The following TASOR2 variants were observed in gnomAD, a reference collection of about 807,000 sequenced individuals.
TASOR2 encodes transcription activation suppressor family member 2.
Under a neutral mutation model 199.5 loss-of-function variants are expected in TASOR2, and 84 were observed. The ratio of observed to expected loss-of-function variants is 0.42; its 90% confidence interval spans 0.35 to 0.50. The LOEUF is 0.50. Among genes scored for constraint, TASOR2 ranks in the 20% least tolerant of loss-of-function variants. TASOR2 has a pLI of 0.02. For missense variants in TASOR2, 2,796 were observed against 2,835.9 expected (o/e 0.99, Z 0.32); for synonymous variants, 1,103 against 1,046.6 (o/e 1.05, Z -1.04).
At chr10:5,753,827 A>T (rs1838442728) in intron 15 of TASOR2, among the ~76,000 whole-genome samples, 1 of 152,214 alleles carries the variant, frequency 6.6e-6, no homozygotes, top group African/African-American at 2.4e-5. Context: ...CTCCAAAAGC[A>T]ATCTGGAAAT....
At chr10:5,736,133 G>C (rs1341679416) in intron 12 of TASOR2, among the ~76,000 whole-genome samples, 1 of 152,044 alleles carries the variant, frequency 6.6e-6, no homozygotes, top group Non-Finnish European at 1.5e-5. Context: ...ACAGAGACCA[G>C]GTTTTGGCCA....
exon 15 of TASOR2, chr10:5,747,952 G>A (rs1269865612): frequency 1.2e-6 from 2 of 1,613,666 alleles, no homozygotes; most frequent in East Asian, 2.2e-5. Context: ...GCATGATGAG[G>A]GTTTATCTTT....
intron 18 of TASOR2, 55 bp downstream of exon 19, chr10:5,759,047 C>T (rs1208820306): frequency 1.6e-5 from 20 of 1,278,232 alleles, no homozygotes; most frequent in Admixed American, 9.0e-5. Flanking sequence ...AGCAGAGAAA[C>T]GCCTCATGTT....
exon 15 of TASOR2, chr10:5,747,767 C>G (rs761559109): frequency 3.1e-6 from 5 of 1,614,086 alleles, no homozygotes; most frequent in South Asian, 2.2e-5. Context: ...TTAGGCATAA[C>G]AGAAAAAGAA....
chr10:5,747,667 C>G (rs1837405772), exon 15 of TASOR2: 1 of 1,614,064 alleles, frequency 6.2e-7, no homozygotes, highest in Non-Finnish European at 8.5e-7. Context: ...AGAGACACGA[C>G]CATATCAGGC....
Position 5,717,643 on chromosome 10 carries a change from T to G in TASOR2, c.-191-16T>G. On this transcript the variant is annotated splice_polypyrimidine_tract_variant and intron_variant, in intron 2 of 20. Transcript: ENST00000328090. The stretch of plus-strand genomic sequence containing the variant: ...TGGGCAATCTGCTGCTTAATCTATA[T>G]TTTATACTTTTACAGGTGTATACAT... 1 of 1,121,344 alleles carries G rather than the reference T, an allele frequency of 8.9e-7. No individual in the cohort carries two copies. Among genetic ancestry groups the G allele is most frequent in the Non-Finnish European group, 1.1e-6 (1 of 886,958 alleles). The allele number at this position is 1,121,344 out of a possible 1,614,324, so 69.5% of individuals were successfully genotyped here.
rs188176472 is a variant in TASOR2 at position 5,688,201 on chromosome 10, A to G, written c.-288+3026A>G. ...ATTATGTTCTTTTTTGATACTCATC[A>G]AAACCTAACAGTTTTGTGTTTTTGT... On this transcript the variant is annotated intron_variant, in intron 1 of 20. Transcript: ENST00000328090. Among the ~76,000 whole-genome samples, 40 of 152,220 alleles carry G rather than the reference A, an allele frequency of 2.6e-4. No homozygotes were observed. The East Asian group carries it at 7.7e-3, about 29-fold the overall frequency.
chr10:5,702,350 T>C (rs1414250333), intron 1 of TASOR2, among the ~76,000 whole-genome samples: 1 of 152,176 alleles, frequency 6.6e-6, no homozygotes, highest in African/African-American at 2.4e-5. Context: ...TTAAATTTGA[T>C]TTACTAGTAT....
At chr10:5,758,951 G>A in exon 18 of TASOR2, 1 of 1,614,172 alleles carries the variant, frequency 6.2e-7, no homozygotes, top group Non-Finnish European at 8.5e-7. Context: ...GGAAGTGGTT[G>A]CTTCACTACA....
At chr10:5,759,695 G>A (rs1054579999) in intron 18 of TASOR2, among the ~76,000 whole-genome samples, 1 of 152,242 alleles carries the variant, frequency 6.6e-6, no homozygotes, top group African/African-American at 2.4e-5. Context: ...CAAACAAGTA[G>A]TAAGTTATGA....
chr10:5,700,234 T>C (rs1837643411), intron 1 of TASOR2, among the ~76,000 whole-genome samples: 1 of 152,166 alleles, frequency 6.6e-6, no homozygotes, highest in Non-Finnish European at 1.5e-5. Flanking sequence ...CATAAAGACC[T>C]ACAGTTGCAT....
intron 10 of TASOR2, among the ~76,000 whole-genome samples, chr10:5,728,619 A>T (rs922114417): frequency 6.1e-5 from 9 of 147,446 alleles, no homozygotes; most frequent in African/African-American, 9.9e-5. Context: ...CAAAAAAATT[A>T]AAAAAAAAAA....
rs1837837156 is a variant in TASOR2, at chr10:5,750,240, G to T, written c.6606+213G>T. Among the ~76,000 whole-genome samples the T allele has an allele frequency of 6.6e-6, 1 of 152,060 alleles. No homozygotes were observed. Among genetic ancestry groups the T allele is most frequent in the Admixed American group, 6.5e-5 (1 of 15,278 alleles). On this transcript the variant is annotated intron_variant, in intron 15 of 20. Transcript: ENST00000328090. The surrounding 1 kb of genome is among the most constrained non-coding windows in gnomAD (Gnocchi z 5.4). ...ATTAGTATTATGTTCCAGAATTAGGGCAATGACTAATTTTTTTTCACAAAA... is the reference window on the plus strand; with the variant it reads ...ATTAGTATTATGTTCCAGAATTAGGTCAATGACTAATTTTTTTTCACAAAA...
intron 1 of TASOR2, among the ~76,000 whole-genome samples, chr10:5,705,536 T>C (rs780497310): frequency 1.6e-4 from 25 of 152,206 alleles, no homozygotes; most frequent in Non-Finnish European, 2.9e-4. Context: ...AGTATGTGTT[T>C]ATAAGAAACT....
chr10:5,759,659 G>A (rs1185042399), intron 18 of TASOR2, among the ~76,000 whole-genome samples: 1 of 152,248 alleles, frequency 6.6e-6, no homozygotes, highest in African/African-American at 2.4e-5. Context: ...AACTGAAGCA[G>A]AGTAGATAAC....
At chr10:5,711,014 A>T (rs1269999680) in intron 1 of TASOR2, among the ~76,000 whole-genome samples, 1 of 152,146 alleles carries the variant, frequency 6.6e-6, no homozygotes, top group East Asian at 1.9e-4. Flanking sequence ...ATCTATTCAG[A>T]ATATCCCTAT....
chr10:5,739,304 A>C (rs1020696643), intron 12 of TASOR2, among the ~76,000 whole-genome samples: 2 of 138,564 alleles, frequency 1.4e-5, no homozygotes, highest in African/African-American at 5.4e-5. Context: ...AGATCAGTTC[A>C]TATGTTTTTG....
At chr10:5,756,689 C>A in exon 16 of TASOR2, 3 of 1,613,356 alleles carry the variant, frequency 1.9e-6, no homozygotes, top group Non-Finnish European at 2.5e-6. Flanking sequence ...GAGAATGATA[C>A]ACTAATCATC....
At chr10:5,763,310 A>C (rs376381017) in exon 21 of TASOR2, 10 of 338,536 alleles carry the variant, frequency 3.0e-5, no homozygotes, top group East Asian at 9.5e-5. Context: ...TATTAAAAAT[A>C]ATTTTACATG....
Sources: gnomAD v4.1 joint callset for allele counts (sites outside exome capture counted in the v4.1 genomes callset) on GRCh38, gnomAD v4.1.1 for gene constraint, Gnocchi (gnomAD v3.1) non-coding constraint, MANE v1.5 for transcripts, NCBI Gene and HGNC (gene_info 2026-07-23, HGNC 2026-07-21) for gene names.